ACBD6: variants seen among roughly 807,000 people sequenced by gnomAD.
ACBD6 encodes acyl-CoA-binding domain-containing protein 6.
A neutral mutation model predicts 37.2 loss-of-function variants in ACBD6; 28 were observed. The ratio of observed to expected loss-of-function variants is 0.75; its 90% confidence interval spans 0.56 to 1.03. The LOEUF (loss-of-function observed/expected upper bound fraction) is 1.03. Ranked by LOEUF, ACBD6 falls within the 50% of genes least tolerant of loss-of-function variation. ACBD6 has a pLI of 0.00. For synonymous variants in ACBD6, 113 were observed against 126.8 expected (o/e 0.89, Z 0.73); for missense variants, 340 against 337.4 (o/e 1.01, Z -0.06).
chr1:180,367,220 A>G (rs924049537), intron 6 of ACBD6, among the ~76,000 whole-genome samples: 3 of 152,174 alleles, frequency 2.0e-5, no homozygotes, highest in Non-Finnish European at 2.9e-5. Flanking sequence ...AACTCTGCCT[A>G]TGTTTTTGCA....
At chr1:180,427,604 T>C (rs1557865623) in intron 4 of ACBD6, among the ~76,000 whole-genome samples, 1 of 152,184 alleles carries the variant, frequency 6.6e-6, no homozygotes, top group South Asian at 2.1e-4. Context: ...GGCTCTTCAC[T>C]GGAATAATCC....
intron 4 of ACBD6, among the ~76,000 whole-genome samples, chr1:180,416,857 C>T (rs1473514520): frequency 3.3e-5 from 5 of 152,084 alleles, no homozygotes; most frequent in Admixed American, 1.3e-4. Flanking sequence ...AAATAGGTCT[C>T]ATGGCAAGAC....
intron 6 of ACBD6, among the ~76,000 whole-genome samples, chr1:180,389,190 C>A (rs1653969764): frequency 6.6e-6 from 1 of 152,094 alleles, no homozygotes; most frequent in South Asian, 2.1e-4. Flanking sequence ...GTGTGATGTC[C>A]CCTTCCTGTG....
chr1:180,338,402 A>C (rs1651832761), intron 6 of ACBD6, among the ~76,000 whole-genome samples: 1 of 152,222 alleles, frequency 6.6e-6, no homozygotes, highest in Non-Finnish European at 1.5e-5. Flanking sequence ...ATCTTTGACA[A>C]ACCTGACAAA....
intron 9 of ACBD6, among the ~76,000 whole-genome samples, chr1:180,280,846 T>C (rs1649286072): frequency 6.6e-6 from 1 of 152,188 alleles, no homozygotes; most frequent in South Asian, 2.1e-4. Flanking sequence ...AAGGGCTCTG[T>C]TGCTCCTAAA....
intron 6 of ACBD6, among the ~76,000 whole-genome samples, chr1:180,391,782 C>T (rs1469297606): frequency 1.3e-5 from 2 of 152,134 alleles, no homozygotes; most frequent in East Asian, 3.9e-4. Context: ...ATGCTATGAC[C>T]CAGCAATTCT....
chr1:180,356,594 C>G (rs1652637341), intron 6 of ACBD6, among the ~76,000 whole-genome samples: 1 of 151,892 alleles, frequency 6.6e-6, no homozygotes, highest in Admixed American at 6.6e-5. Flanking sequence ...CGCCTGTAAT[C>G]CCAGCACTTT....
intron 1 of ACBD6, among the ~76,000 whole-genome samples, chr1:180,496,508 C>T (rs530087388): frequency 1.3e-5 from 2 of 152,296 alleles, no homozygotes; most frequent in South Asian, 4.1e-4. Context: ...TACTGACTGC[C>T]TTAGGTATTC....
intron 3 of ACBD6, among the ~76,000 whole-genome samples, chr1:180,489,855 C>T (rs1651421414): frequency 6.6e-6 from 1 of 152,052 alleles, no homozygotes. Flanking sequence ...GACGGGATTT[C>T]ACCATGTTGG....
intron 6 of ACBD6, among the ~76,000 whole-genome samples, chr1:180,370,390 A>G (rs775808559): frequency 1.8e-4 from 28 of 152,162 alleles, no homozygotes; most frequent in Non-Finnish European, 3.7e-4. Context: ...TCTATCTATA[A>G]AGGAACAATC....
intron 3 of ACBD6, among the ~76,000 whole-genome samples, chr1:180,467,711 C>T (rs1030468649): frequency 6.6e-6 from 1 of 152,086 alleles, no homozygotes; most frequent in Non-Finnish European, 1.5e-5. Flanking sequence ...TACTGACCTA[C>T]ACTTTATCTC....
At chr1:180,313,883 T>C (rs1278301949) in intron 7 of ACBD6, among the ~76,000 whole-genome samples, 1 of 152,228 alleles carries the variant, frequency 6.6e-6, no homozygotes, top group East Asian at 1.9e-4. Context: ...TACAAAATAC[T>C]GTAATATCTT....
chr1:180,452,969 A>T (rs1649773181), intron 3 of ACBD6, among the ~76,000 whole-genome samples: 1 of 152,190 alleles, frequency 6.6e-6, no homozygotes, highest in Non-Finnish European at 1.5e-5. Context: ...TTCACAGCTG[A>T]CGAAATCTAC....
chr1:180,344,501 CA>C (rs1558258874), intron 6 of ACBD6, among the ~76,000 whole-genome samples: 1 of 152,106 alleles, frequency 6.6e-6, no homozygotes, highest in Non-Finnish European at 1.5e-5. Context: ...AAATAAAAGG[CA>C]GAATGTAACT....
chr1:180,466,088 C>T (rs1277141972), intron 3 of ACBD6, among the ~76,000 whole-genome samples: 2 of 151,906 alleles, frequency 1.3e-5, no homozygotes, highest in African/African-American at 4.8e-5. Flanking sequence ...ACAACAAATC[C>T]CTATGGTATG....
chr1:180,282,732 A>T (rs1649350024), intron 8 of ACBD6, among the ~76,000 whole-genome samples: 1 of 152,208 alleles, frequency 6.6e-6, no homozygotes, highest in Non-Finnish European at 1.5e-5. Flanking sequence ...CTGGTGGGCC[A>T]GAACTTCTAT....
chr1:180,341,178 T>C (rs1277056964), intron 6 of ACBD6, among the ~76,000 whole-genome samples: 1 of 152,154 alleles, frequency 6.6e-6, no homozygotes, highest in Non-Finnish European at 1.5e-5. Flanking sequence ...TTTGCCTTTA[T>C]GGAGTTTACA....
chr1:180,363,056 A>G (rs1202274136), intron 6 of ACBD6, among the ~76,000 whole-genome samples: 1 of 152,198 alleles, frequency 6.6e-6, no homozygotes, highest in Non-Finnish European at 1.5e-5. Context: ...TTAACTTATT[A>G]ACATATTTTG....
Position 180,401,648 on chromosome 1 carries a change from G to C in ACBD6, c.574-4043C>G, listed in dbSNP as rs367685705. On this transcript the variant is annotated intron_variant, in intron 5 of 7. Transcript: ENST00000367595. ...GAAATACAAAAAATTAGTGGGGTGT[G>C]GTGGTGCGCGTGCCTGTAATCCCAG... is the stretch of plus-strand genomic sequence containing the variant. Among the ~76,000 whole-genome samples the C allele has an allele frequency of 6.6e-5, 10 of 151,936 alleles. No individual in the cohort carries two copies. The East Asian group carries it at 1.4e-3, about 21-fold the overall frequency.
Sources: gnomAD v4.1 joint callset for allele counts (sites outside exome capture counted in the v4.1 genomes callset) on GRCh38, gnomAD v4.1.1 for gene constraint, MANE v1.5 for transcripts, NCBI Gene and HGNC (gene_info 2026-07-23, HGNC 2026-07-21) for gene names.